Variants in SLC5A11 observed in about 807,000 individuals in gnomAD.
The protein encoded by SLC5A11 is solute carrier family 5 member 11.
Under a neutral mutation model 69.8 loss-of-function variants are expected in SLC5A11, and 48 were observed. The observed-to-expected ratio is 0.69, with a 90% CI of 0.55 to 0.87. The LOEUF (loss-of-function observed/expected upper bound fraction) is 0.87. Among genes scored for constraint, SLC5A11 ranks in the 40% least tolerant of loss-of-function variants. The pLI is 0.00. For synonymous variants in SLC5A11, 319 were observed against 342.4 expected (o/e 0.93, Z 0.75); for missense variants, 784 against 866.1 (o/e 0.91, Z 1.19).
intron 3 of SLC5A11, among the ~76,000 whole-genome samples, chr16:24,863,672 A>T (rs1338977837): frequency 1.3e-5 from 2 of 152,200 alleles, no homozygotes; most frequent in Non-Finnish European, 2.9e-5. Context: ...AATTGTCAAA[A>T]TCAACTTTTT....
intron 9 of SLC5A11, among the ~76,000 whole-genome samples, chr16:24,892,023 C>A (rs1358167110): frequency 1.4e-5 from 2 of 145,912 alleles, no homozygotes; most frequent in Non-Finnish European, 3.0e-5. Flanking sequence ...TTGAGACCAA[C>A]CTGGGCAACA....
chr16:24,891,843 C>T (rs949600777), intron 9 of SLC5A11, among the ~76,000 whole-genome samples: 14 of 151,714 alleles, frequency 9.2e-5, no homozygotes, highest in Admixed American at 8.6e-4. Context: ...TGGGAGTAGA[C>T]GGAGATAATA....
chr16:24,871,974 T>G (rs945553593), intron 4 of SLC5A11, among the ~76,000 whole-genome samples, 186 bp from the exon 6 acceptor site: 1 of 152,154 alleles, frequency 6.6e-6, no homozygotes, highest in Non-Finnish European at 1.5e-5. Flanking sequence ...CTCCTCTTCC[T>G]TCCCGAATCC....
intron 15 of SLC5A11, 36 bp downstream of exon 16, chr16:24,910,513 A>AG: frequency 6.3e-7 from 1 of 1,597,844 alleles, no homozygotes; most frequent in South Asian, 1.1e-5. Context: ...AGCAAGAAGG[A>AG]GTACGTGTTA....
intron 7 of SLC5A11, among the ~76,000 whole-genome samples, chr16:24,883,795 A>G (rs1283346351): frequency 3.3e-5 from 5 of 152,170 alleles, no homozygotes; most frequent in African/African-American, 4.8e-5. Flanking sequence ...CCCACATTCT[A>G]TTGGTCAAAG....
chr16:24,883,699 A>T (rs1406985072), intron 7 of SLC5A11, among the ~76,000 whole-genome samples: 2 of 152,108 alleles, frequency 1.3e-5, no homozygotes, highest in African/African-American at 4.8e-5. Context: ...ACTAGGTTAG[A>T]CCTGGCTTCT....
chr16:24,911,499 G>C lies in SLC5A11; in HGVS notation c.1994G>C (p.Ser665Thr), dbSNP rs780843300. 17 of 1,614,130 alleles carry C rather than the reference G, an allele frequency of 1.1e-5. No homozygotes were observed. The South Asian group carries it at 1.6e-4, about 16-fold the overall frequency. Reference sequence around the variant, plus strand: ...GACGTCAACCTCATTTTCTGCGTGAGCTGCGCCATCTTTATCTGGGGCTAT... The same window carrying C: ...GACGTCAACCTCATTTTCTGCGTGACCTGCGCCATCTTTATCTGGGGCTAT... The change falls in exon 16 of 16, where the codon AGC becomes ACC. Residue 665 changes from serine to threonine, a missense_variant. This residue lies in a region of SLC5A11 where 550 missense variants were observed against 606.4 expected (regional missense o/e 0.91). Transcript: ENST00000347898.
At chr16:24,888,478 CTTTTTTTT>C (rs891552223) in intron 8 of SLC5A11, among the ~76,000 whole-genome samples, 7 of 81,412 alleles carry the variant, frequency 8.6e-5, no homozygotes, top group South Asian at 5.3e-4. Context: ...GTATCTATTT[CTTTTTTTT>C]TTTTTTTTTT....
chr16:24,890,416 G>A (rs757824667), intron 8 of SLC5A11, among the ~76,000 whole-genome samples: 16 of 147,256 alleles, frequency 1.1e-4, no homozygotes, highest in South Asian at 2.2e-4. Context: ...CCTGGGAGGC[G>A]GAGGTGGCAG....
intron 7 of SLC5A11, 68 bp from the exon 9 acceptor site, chr16:24,883,983 C>G (rs983473344): frequency 1.4e-6 from 2 of 1,470,494 alleles, no homozygotes; most frequent in Admixed American, 3.5e-5. Flanking sequence ...TCCAGGTTCC[C>G]TTGGTGACCC....
At chr16:24,890,999 G>C in exon 9 of SLC5A11, 1 of 1,614,204 alleles carries the variant, frequency 6.2e-7, no homozygotes, top group Non-Finnish European at 8.5e-7. Context: ...GAGATCCGCT[G>C]ACATCTGATC....
chr16:24,865,795 A>G (rs2046880418), intron 3 of SLC5A11, among the ~76,000 whole-genome samples: 1 of 152,086 alleles, frequency 6.6e-6, no homozygotes, highest in Non-Finnish European at 1.5e-5. Context: ...AAATAAAGAC[A>G]TCAGAGAGTA....
intron 5 of SLC5A11, among the ~76,000 whole-genome samples, chr16:24,873,247 G>GGAAGGA (rs2047435539): frequency 5.7e-4 from 58 of 101,488 alleles, no homozygotes; most frequent in Non-Finnish European, 8.5e-4. Flanking sequence ...GAGAGGGAGG[G>GGAAGGA]AGGAAGGAAG....
At chr16:24,911,191 G>A in intron 15 of SLC5A11, 137 bp from the exon 17 acceptor site, 1 of 664,778 alleles carries the variant, frequency 1.5e-6, no homozygotes, top group Non-Finnish European at 2.6e-6. Flanking sequence ...AAAAAAGGGA[G>A]ATTTCAGTCG....
chr16:24,875,933 G>T (rs56044620), intron 6 of SLC5A11, among the ~76,000 whole-genome samples: 1 of 152,072 alleles, frequency 6.6e-6, no homozygotes, highest in Admixed American at 6.6e-5. Flanking sequence ...AGTGGCTCAC[G>T]CCTGTAATCT....
At chr16:24,908,916 G>A (rs2050281469) in exon 14 of SLC5A11, 1 of 1,613,892 alleles carries the variant, frequency 6.2e-7, no homozygotes, top group Non-Finnish European at 8.5e-7. Flanking sequence ...GCCTGCTCCT[G>A]GGCTTGGTTA....
chr16:24,880,176 A>G (rs1179519814), intron 7 of SLC5A11, among the ~76,000 whole-genome samples: 2 of 152,148 alleles, frequency 1.3e-5, no homozygotes, highest in African/African-American at 4.8e-5. Flanking sequence ...ATGAAAAAAA[A>G]AAGAGGTTTA....
At chr16:24,854,000 C>A (rs762562700) in intron 1 of SLC5A11, among the ~76,000 whole-genome samples, 34 of 152,280 alleles carry the variant, frequency 2.2e-4, no homozygotes, top group South Asian at 2.1e-4. Context: ...CTGGGCCCCA[C>A]CTCCCGGAGA....
At chr16:24,897,097 T>C (rs1370649067) in intron 9 of SLC5A11, among the ~76,000 whole-genome samples, 3 of 151,738 alleles carry the variant, frequency 2.0e-5, no homozygotes, top group Non-Finnish European at 4.4e-5. Flanking sequence ...GGATTACAAG[T>C]GTGCGCCAAT....
Sources: gnomAD v4.1 joint callset for allele counts (sites outside exome capture counted in the v4.1 genomes callset) on GRCh38, gnomAD v4.1.1 for gene constraint, gnomAD v4.1.1 regional missense constraint, MANE v1.5 for transcripts, NCBI Gene and HGNC (gene_info 2026-07-23, HGNC 2026-07-21) for gene names.